NRCAM: variants seen among roughly 807,000 people sequenced by gnomAD.
NRCAM encodes the protein neuronal cell adhesion molecule.
Under a neutral mutation model 156.5 loss-of-function variants are expected in NRCAM, and 83 were observed. The ratio of observed to expected loss-of-function variants is 0.53; its 90% CI spans 0.44 to 0.64. The LOEUF (loss-of-function observed/expected upper bound fraction) is 0.64, where lower values mean the gene tolerates loss of function less well. Ranked by LOEUF, NRCAM falls within the 30% of genes least tolerant of loss-of-function variation. The pLI is 0.00. For missense variants in NRCAM, 1,417 were observed against 1,597.3 expected, an observed-to-expected ratio of 0.89 and a Z score of 1.92; for synonymous variants, 538 against 563.9, an observed-to-expected ratio of 0.95 and a Z score of 0.65.
intron 1 of NRCAM, among the ~76,000 whole-genome samples, chr7:108,453,281 G>A (rs1227852826): frequency 1.3e-5 from 2 of 152,126 alleles, no homozygotes; most frequent in African/African-American, 2.4e-5. Flanking sequence ...CTGTTACACA[G>A]GGAAAATTAC....
chr7:108,207,282 A>G (rs2081655666), intron 13 of NRCAM: 1 of 322,878 alleles, frequency 3.1e-6, no homozygotes, highest in Admixed American at 4.8e-5. Flanking sequence ...TTATCCATGT[A>G]AAAAGCAGAC....
At chr7:108,417,811 T>C (rs1350023992) in intron 1 of NRCAM, among the ~76,000 whole-genome samples, 1 of 152,182 alleles carries the variant, frequency 6.6e-6, no homozygotes, top group East Asian at 1.9e-4. Flanking sequence ...CTGGTGTTAA[T>C]ACCTGGTTAA....
intron 3 of NRCAM, among the ~76,000 whole-genome samples, chr7:108,246,700 A>G (rs2095953626): frequency 1.3e-5 from 2 of 152,204 alleles, no homozygotes; most frequent in South Asian, 4.1e-4. Flanking sequence ...TACCCCAAAC[A>G]ATGTTCCAAT....
chr7:108,402,543 G>A (rs1386126850), intron 1 of NRCAM, among the ~76,000 whole-genome samples: 1 of 152,174 alleles, frequency 6.6e-6, no homozygotes, highest in Non-Finnish European at 1.5e-5. Context: ...GGAGACAGAA[G>A]GAGCCTGGAA....
intron 3 of NRCAM, among the ~76,000 whole-genome samples, chr7:108,247,231 A>G (rs546666600): frequency 3.9e-5 from 6 of 152,334 alleles, no homozygotes; most frequent in African/African-American, 1.4e-4. Flanking sequence ...GGAATGGTTT[A>G]TTATATAGCC....
intron 13 of NRCAM, among the ~76,000 whole-genome samples, chr7:108,203,833 G>T (rs2079522263): frequency 6.6e-6 from 1 of 152,222 alleles, no homozygotes; most frequent in South Asian, 2.1e-4. Context: ...AATTTCTGCA[G>T]TCTCTTGGAT....
At chr7:108,373,538 T>C (rs892449578) in intron 2 of NRCAM, among the ~76,000 whole-genome samples, 1 of 152,160 alleles carries the variant, frequency 6.6e-6, no homozygotes, top group Non-Finnish European at 1.5e-5. Flanking sequence ...CCCCCTACAA[T>C]GGGCTAATAC....
At chr7:108,191,124 A>C in intron 19 of NRCAM, 130 bp downstream of exon 19, 1 of 666,194 alleles carries the variant, frequency 1.5e-6, no homozygotes, top group Non-Finnish European at 2.5e-6. Flanking sequence ...GTGACACAAC[A>C]TAACAACTGA....
intron 3 of NRCAM, among the ~76,000 whole-genome samples, chr7:108,249,280 A>G (rs1481674337): frequency 4.6e-5 from 7 of 152,240 alleles, no homozygotes. Context: ...GAAGAATTGT[A>G]TATTCCACTT....
chr7:108,232,578 T>G (rs559231079), intron 6 of NRCAM, 56 bp from the exon 7 acceptor site: 66 of 1,276,044 alleles, frequency 5.2e-5, no homozygotes, highest in Non-Finnish European at 6.8e-5. Flanking sequence ...TGGGATTACC[T>G]TAACAAATTC....
intron 13 of NRCAM, among the ~76,000 whole-genome samples, chr7:108,204,638 G>A (rs2080072279): frequency 1.3e-5 from 2 of 152,198 alleles, no homozygotes; most frequent in Admixed American, 6.5e-5. Context: ...ACACCATGTG[G>A]TATTCCTCTC....
chr7:108,227,551 A>C (rs926341187), intron 8 of NRCAM, among the ~76,000 whole-genome samples: 1 of 152,168 alleles, frequency 6.6e-6, no homozygotes, highest in Admixed American at 6.5e-5. Context: ...ATAGTATCAG[A>C]AGTTATTTAG....
chr7:108,212,555 A>G (rs922588041), intron 11 of NRCAM, among the ~76,000 whole-genome samples: 5 of 152,192 alleles, frequency 3.3e-5, no homozygotes, highest in African/African-American at 1.2e-4. Context: ...AGAAAAAACA[A>G]TCAAAACTTC....
chr7:108,182,847 T>C lies in NRCAM; in HGVS notation c.2378A>G (p.Asp793Gly). ...KVSWRQKDGD[D>G]EWTSVVVANV... ...TGCCACAACCACAGATGTCCATTCATCATCACCATCTTTCTGGCGCCAGCT... is the reference window on the plus strand; with the variant it reads ...TGCCACAACCACAGATGTCCATTCACCATCACCATCTTTCTGGCGCCAGCT... The change falls in exon 23 of 33, where the codon GAT becomes GGT. Residue 793 changes from aspartate (D) to glycine (G), a missense_variant. By Grantham distance (94) the Asp-to-Gly change is moderately conservative (BLOSUM62 -1). Coordinates refer to ENST00000379028, the MANE Select transcript of NRCAM (RefSeq NM_001037132.4). The C allele has an allele frequency of 6.2e-7, 1 of 1,614,228 alleles. No homozygotes were observed. Among genetic ancestry groups the C allele is most frequent in the South Asian group, 1.1e-5 (1 of 91,090 alleles).
chr7:108,150,976 C>G (rs1215895698), intron 32 of NRCAM, among the ~76,000 whole-genome samples: 2 of 152,154 alleles, frequency 1.3e-5, no homozygotes, highest in Non-Finnish European at 2.9e-5. Context: ...ATGTTAACCC[C>G]CCAGCTCCCT....
At chr7:108,313,332 G>T (rs1239073959) in intron 2 of NRCAM, 1 of 152,154 alleles carries the variant, frequency 6.6e-6, no homozygotes, top group Admixed American at 6.6e-5. Flanking sequence ...AGAGAGGAAG[G>T]ATGGCGAGTA....
At chr7:108,434,234 CTG>C (rs1829397236) in intron 1 of NRCAM, among the ~76,000 whole-genome samples, 2 of 152,204 alleles carry the variant, frequency 1.3e-5, no homozygotes, top group Admixed American at 6.5e-5. Flanking sequence ...GCAGGACAGA[CTG>C]TGAAAAACAG....
intron 2 of NRCAM, among the ~76,000 whole-genome samples, chr7:108,324,512 T>C (rs1187028067): frequency 6.6e-6 from 1 of 152,154 alleles, no homozygotes; most frequent in Non-Finnish European, 1.5e-5. Flanking sequence ...AAGTAAACTA[T>C]GCTCCAAAAC....
intron 12 of NRCAM, among the ~76,000 whole-genome samples, chr7:108,208,864 C>A (rs565081544): frequency 1.2e-4 from 19 of 152,248 alleles, no homozygotes; most frequent in African/African-American, 4.1e-4. Context: ...CGTTAACATT[C>A]ATCACTTGGT....
Sources: gnomAD v4.1 joint callset for allele counts (sites outside exome capture counted in the v4.1 genomes callset) on GRCh38, gnomAD v4.1.1 for gene constraint, MANE v1.5 for transcripts, NCBI Gene and HGNC (gene_info 2026-07-23, HGNC 2026-07-21) for gene names.